Variants in QTGAL observed in about 807,000 individuals in gnomAD.
QTGAL encodes BGnT-like protein 1.
chr17:83,005,676 G>C, the QTGAL span: 1 of 703,814 alleles, frequency 1.4e-6, no homozygotes, highest in Non-Finnish European at 2.6e-6. The surrounding 1 kb of genome is among the most constrained non-coding windows in gnomAD (Gnocchi z 5.6). Flanking sequence ...GCGTCCCTAA[G>C]TGGAGAAGAG....
chr17:83,024,872 T>G, the QTGAL span, among the ~76,000 whole-genome samples: 1 of 152,220 alleles, frequency 6.6e-6, no homozygotes, highest in Non-Finnish European at 1.5e-5. Context: ...CTCCAACTCC[T>G]GCCAGACACA....
the QTGAL span, chr17:83,005,066 C>T: frequency 4.7e-6 from 7 of 1,484,160 alleles, no homozygotes; most frequent in Non-Finnish European, 6.5e-6. This position sits in a 1 kb window ranked among gnomAD's most constrained non-coding sequence, Gnocchi z 5.6. Flanking sequence ...GAGATGGCGC[C>T]CAGAGGCGAC....
the QTGAL span, among the ~76,000 whole-genome samples, chr17:83,000,409 T>C: frequency 6.6e-5 from 10 of 152,374 alleles, no homozygotes; most frequent in South Asian, 2.1e-3. Context: ...ACATCAGTCG[T>C]GCAGCACGCA....
chr17:83,014,473 G>A, the QTGAL span: 2 of 1,614,058 alleles, frequency 1.2e-6, no homozygotes, highest in Non-Finnish European at 1.7e-6. Context: ...GTGCTGAACG[G>A]CAGCCTCGTG....
the QTGAL span, chr17:82,957,472 C>T: frequency 2.8e-5 from 45 of 1,607,092 alleles, no homozygotes; most frequent in Admixed American, 4.3e-4. Flanking sequence ...AGGAAGCGGA[C>T]GCGGTGGGTC....
At chr17:83,023,356 C>T in the QTGAL span, among the ~76,000 whole-genome samples, 1 of 150,456 alleles carries the variant, frequency 6.6e-6, no homozygotes, top group African/African-American at 2.4e-5. Context: ...GAGCTTAGCA[C>T]TGTCCCCGGC....
At chr17:83,005,229 G>A in the QTGAL span, 2 of 1,590,554 alleles carry the variant, frequency 1.3e-6, no homozygotes, top group Non-Finnish European at 1.7e-6. This position sits in a 1 kb window ranked among gnomAD's most constrained non-coding sequence, Gnocchi z 5.6. Flanking sequence ...AACAACGGCA[G>A]ACAGAGCTCA....
the QTGAL span, among the ~76,000 whole-genome samples, chr17:82,971,573 C>T: frequency 7.8e-6 from 1 of 128,452 alleles, no homozygotes; most frequent in Non-Finnish European, 1.7e-5. Flanking sequence ...GCCAACCACA[C>T]CACACTCATA....
At chr17:82,963,339 C>T in the QTGAL span, among the ~76,000 whole-genome samples, 6 of 152,170 alleles carry the variant, frequency 3.9e-5, no homozygotes, top group South Asian at 8.3e-4. Context: ...CCATCCCCAG[C>T]GCGAACCTCC....
chr17:82,963,186 A>G, the QTGAL span, among the ~76,000 whole-genome samples: 1 of 152,206 alleles, frequency 6.6e-6, no homozygotes, highest in South Asian at 2.1e-4. Context: ...CCTGGAGGAG[A>G]AAAGCGTGAG....
At chr17:83,018,705 C>T in the QTGAL span, among the ~76,000 whole-genome samples, 1 of 152,338 alleles carries the variant, frequency 6.6e-6, no homozygotes, top group East Asian at 1.9e-4. Context: ...TCGCAATGGG[C>T]CGGGCTCCTG....
chr17:82,986,537 G>A, the QTGAL span, among the ~76,000 whole-genome samples: 3 of 152,226 alleles, frequency 2.0e-5, no homozygotes, highest in Non-Finnish European at 2.9e-5. Flanking sequence ...AAATCTAAAT[G>A]GAAGAAGGTC....
chr17:83,011,852 T>C, the QTGAL span, among the ~76,000 whole-genome samples: 1 of 152,244 alleles, frequency 6.6e-6, no homozygotes, highest in African/African-American at 2.4e-5. Flanking sequence ...TTTCCCCACA[T>C]TCCTGTGGGG....
At chr17:82,998,624 C>T in the QTGAL span, among the ~76,000 whole-genome samples, 2 of 152,138 alleles carry the variant, frequency 1.3e-5, no homozygotes, top group Non-Finnish European at 2.9e-5. Context: ...GGATTACAGG[C>T]GTGAGCCACC....
chr17:82,989,312 G>A, the QTGAL span, among the ~76,000 whole-genome samples: 8 of 151,708 alleles, frequency 5.3e-5, no homozygotes, highest in Non-Finnish European at 7.4e-5. Context: ...ATATGGACAC[G>A]GGGGGAACAA....
the QTGAL span, chr17:82,945,965 A>C: frequency 9.2e-5 from 14 of 152,352 alleles, no homozygotes; most frequent in Non-Finnish European, 8.8e-5. Context: ...GAATTGCTTA[A>C]AATGGACAAC....
At chr17:83,040,306 C>T in the QTGAL span, among the ~76,000 whole-genome samples, 1 of 152,122 alleles carries the variant, frequency 6.6e-6, no homozygotes, top group South Asian at 2.1e-4. Flanking sequence ...GGAACCCGTC[C>T]ACCAACTAAA....
chr17:83,000,561 A>T, the QTGAL span, among the ~76,000 whole-genome samples: 1 of 149,122 alleles, frequency 6.7e-6, no homozygotes, highest in Non-Finnish European at 1.5e-5. Flanking sequence ...TTTTTATAAT[A>T]GATTTGTGTA....
At chr17:83,027,589 T>C in the QTGAL span, among the ~76,000 whole-genome samples, 1 of 150,724 alleles carries the variant, frequency 6.6e-6, no homozygotes, top group Non-Finnish European at 1.5e-5. Flanking sequence ...GTAATCTCCA[T>C]GCTTTGAGAG....
Sources: allele counts gnomAD v4.1 joint callset (sites outside exome capture counted in the v4.1 genomes callset), GRCh38; gene constraint gnomAD v4.1.1; non-coding constraint Gnocchi (gnomAD v3.1); transcripts MANE v1.5; gene names NCBI Gene and HGNC (gene_info 2026-07-23, HGNC 2026-07-21).